Variants in ROBO2 observed in about 807,000 individuals in gnomAD.
ROBO2 encodes roundabout homolog 2.
Under a neutral mutation model 160.8 loss-of-function variants are expected in ROBO2, and 53 were observed. That is an observed-to-expected ratio of 0.33 (90% confidence interval 0.26 to 0.41). The LOEUF is 0.41. Among genes scored for constraint, ROBO2 ranks in the 10% least tolerant of loss-of-function variants. ROBO2 has a pLI of 1.00. For missense variants in ROBO2, 1,577 were observed against 1,722.4 expected, an observed-to-expected ratio of 0.92 and a Z score of 1.49; for synonymous variants, 664 against 611.7, an observed-to-expected ratio of 1.09 and a Z score of -1.26.
intron 2 of ROBO2, among the ~76,000 whole-genome samples, chr3:77,255,176 A>C (rs1024840412): frequency 2.2e-4 from 33 of 152,304 alleles, no homozygotes; most frequent in Admixed American, 7.2e-4. Context: ...GAGGAACAAA[A>C]ATCTATTTGG....
chr3:76,440,521 A>G (rs528531654), intron 2 of ROBO2, among the ~76,000 whole-genome samples: 14 of 152,306 alleles, frequency 9.2e-5, no homozygotes, highest in African/African-American at 2.4e-4. Flanking sequence ...AAGGAAGAGA[A>G]GAAATCTGTA....
rs576731044 is a variant in ROBO2, at chr3:76,467,200, A to G, written c.109+529598A>G. 6.4e-4 allele frequency among the ~76,000 whole-genome samples: 98 copies of G among 152,222 alleles called. 1 individual carries two copies. In the South Asian group the frequency reaches 0.01, roughly 16 times the overall value. On this transcript the variant is annotated intron_variant, in intron 2 of 26. Transcript: ENST00000487694. Reference sequence around the variant, plus strand: ...CATTGGATGGCAGATAAAAATGAAGAGACACTAGACTTGTCCTTTATTTTT... The same window carrying G: ...CATTGGATGGCAGATAAAAATGAAGGGACACTAGACTTGTCCTTTATTTTT...
intron 2 of ROBO2, among the ~76,000 whole-genome samples, chr3:77,254,868 T>A (rs1471492061): frequency 6.6e-6 from 1 of 152,152 alleles, no homozygotes; most frequent in African/African-American, 2.4e-5. Flanking sequence ...AGTGGCAGAA[T>A]AAAAACAAGG....
At chr3:76,222,289 T>C (rs1234431060) in intron 2 of ROBO2, among the ~76,000 whole-genome samples, 1 of 152,118 alleles carries the variant, frequency 6.6e-6, no homozygotes, top group Non-Finnish European at 1.5e-5. Flanking sequence ...AAGGAGGGGC[T>C]GAGGCAAGTT....
chr3:76,919,064 G>C (rs2076504996), intron 2 of ROBO2, among the ~76,000 whole-genome samples: 1 of 151,736 alleles, frequency 6.6e-6, no homozygotes, highest in Non-Finnish European at 1.5e-5. Context: ...GTAAATTCTG[G>C]ATATTAGACC....
intron 2 of ROBO2, among the ~76,000 whole-genome samples, chr3:76,638,045 A>C (rs2090435183): frequency 6.6e-6 from 1 of 152,192 alleles, no homozygotes; most frequent in South Asian, 2.1e-4. Flanking sequence ...TTGTTTAAAA[A>C]ATTGCAGTTT....
intron 25 of ROBO2, 122 bp downstream of exon 27, chr3:77,645,026 T>C: frequency 2.0e-6 from 2 of 1,023,904 alleles, no homozygotes; most frequent in East Asian, 2.5e-5. Context: ...AAACAATCAA[T>C]TGCAATTTTC....
chr3:77,084,383 T>C (rs920435070), intron 1 of ROBO2, among the ~76,000 whole-genome samples: 1 of 152,188 alleles, frequency 6.6e-6, no homozygotes, highest in Admixed American at 6.5e-5. Context: ...GTTTGATATA[T>C]TGAATATTTT....
intron 2 of ROBO2, among the ~76,000 whole-genome samples, chr3:76,452,281 C>G (rs1266377250): frequency 6.6e-6 from 1 of 151,990 alleles, no homozygotes; most frequent in South Asian, 2.1e-4. Context: ...CACCAATTAA[C>G]TCATCATTTA....
At chr3:76,903,587 G>T (rs983459782) in intron 2 of ROBO2, among the ~76,000 whole-genome samples, 3 of 152,016 alleles carry the variant, frequency 2.0e-5, no homozygotes, top group Non-Finnish European at 2.9e-5. Flanking sequence ...TTATAAATAA[G>T]GAGGCTTTTC....
chr3:76,321,059 A>T (rs1278595982), intron 2 of ROBO2, among the ~76,000 whole-genome samples: 2 of 152,232 alleles, frequency 1.3e-5, no homozygotes, highest in Non-Finnish European at 2.9e-5. Context: ...AACATAATAC[A>T]AGTCATCAGA....
At chr3:76,922,289 C>T (rs1216332967) in intron 2 of ROBO2, among the ~76,000 whole-genome samples, 1 of 152,024 alleles carries the variant, frequency 6.6e-6, no homozygotes, top group Non-Finnish European at 1.5e-5. Flanking sequence ...CCAGCCTGGG[C>T]GACAGAGTGA....
chr3:76,079,822 A>C (rs1157249602), intron 2 of ROBO2, among the ~76,000 whole-genome samples: 1 of 144,456 alleles, frequency 6.9e-6, no homozygotes, highest in African/African-American at 2.9e-5. Flanking sequence ...ACAAGGGACT[A>C]ACAACAACAA....
intron 2 of ROBO2, among the ~76,000 whole-genome samples, chr3:77,104,051 C>T (rs1160774357): frequency 6.6e-6 from 1 of 151,986 alleles, no homozygotes; most frequent in Non-Finnish European, 1.5e-5. Context: ...AAAAAAAATG[C>T]TTAATTGAGA....
chr3:77,171,414 T>C (rs1005708424), intron 2 of ROBO2, among the ~76,000 whole-genome samples: 1 of 152,196 alleles, frequency 6.6e-6, no homozygotes, highest in Non-Finnish European at 1.5e-5. Flanking sequence ...TAACAAGAAT[T>C]GTTGGCATTC....
chr3:77,350,422 G>A (rs531705031), intron 2 of ROBO2, among the ~76,000 whole-genome samples: 58 of 152,178 alleles, frequency 3.8e-4, no homozygotes, highest in African/African-American at 1.3e-3. Context: ...TTGAATGTGA[G>A]TCTCTTCTGC....
intron 2 of ROBO2, among the ~76,000 whole-genome samples, chr3:76,374,235 C>T (rs193254660): frequency 7.6e-4 from 115 of 151,994 alleles, no homozygotes; most frequent in African/African-American, 2.7e-3. Flanking sequence ...GATAAAGCAT[C>T]CAGAATGTCA....
At chr3:77,423,873 T>A (rs537217922) in intron 2 of ROBO2, among the ~76,000 whole-genome samples, 1 of 152,194 alleles carries the variant, frequency 6.6e-6, no homozygotes, top group Non-Finnish European at 1.5e-5. Context: ...TGTATTTGTA[T>A]CTATAGAGCT....
intron 1 of ROBO2, among the ~76,000 whole-genome samples, chr3:77,043,696 T>C (rs1163280801): frequency 1.3e-5 from 2 of 152,178 alleles, no homozygotes; most frequent in African/African-American, 4.8e-5. Context: ...GAATAGGGTT[T>C]TGCAGTCATT....
Sources: gnomAD v4.1 joint callset for allele counts (sites outside exome capture counted in the v4.1 genomes callset) on GRCh38, gnomAD v4.1.1 for gene constraint, MANE v1.5 for transcripts, NCBI Gene and HGNC (gene_info 2026-07-23, HGNC 2026-07-21) for gene names.